The following GTSF1 variants were observed in gnomAD, a reference collection of about 807,000 sequenced individuals.
The protein encoded by GTSF1 is gametocyte specific factor 1.
In GTSF1, 11 loss-of-function variants were observed where a neutral mutation model predicts 28.9. That is an observed-to-expected ratio of 0.38 (90% confidence interval 0.24 to 0.63). The LOEUF (loss-of-function observed/expected upper bound fraction) is 0.63. GTSF1 is among the 30% of genes least tolerant of loss of function. GTSF1 has a pLI of 0.56. For synonymous variants in GTSF1, 69 were observed against 65.6 expected (o/e 1.05, Z -0.25); for missense variants, 146 against 201.0 (o/e 0.73, Z 1.66).
At chr12:54,472,108 C>A (rs938527779) in intron 1 of GTSF1, 1 of 151,366 alleles carries the variant, frequency 6.6e-6, no homozygotes, top group African/African-American at 2.4e-5. Context: ...TAAAGCTTTC[C>A]TCCTGGGTTC....
chr12:54,470,289 A>T (rs1956578672), intron 2 of GTSF1, among the ~76,000 whole-genome samples: 1 of 152,252 alleles, frequency 6.6e-6, no homozygotes, highest in Admixed American at 6.5e-5. Flanking sequence ...GCAAATTCTC[A>T]GATACCAGAC....
Position 54,462,874 on chromosome 12 carries a change from ATC to A in GTSF1, c.245-151_245-150del, listed in dbSNP as rs369613784. ...GTATAAAAGCTAAAAGAGGGATCTT[ATC>A]TCTTTGCTGACAGAAGAAAGAAAAG... On this transcript the variant is annotated intron_variant, in intron 4 of 8. Coordinates refer to ENST00000305879, the MANE Select transcript of GTSF1 (RefSeq NM_144594.3). 67 of 635,638 alleles carry A rather than the reference ATC, an allele frequency of 1.1e-4. No individual in the cohort carries two copies. In the East Asian group the frequency reaches 1.4e-3, roughly 13 times the overall value. 39.4% of individuals were successfully genotyped at this position (635,638 alleles called of 1,614,324 possible).
chr12:54,466,375 A>T (rs1956512544), intron 2 of GTSF1, among the ~76,000 whole-genome samples: 1 of 152,220 alleles, frequency 6.6e-6, no homozygotes, highest in Non-Finnish European at 1.5e-5. Flanking sequence ...GTTTCACTGG[A>T]AGAGTGGTAA....
chr12:54,472,821 A>AT (rs1396229925), intron 1 of GTSF1, among the ~76,000 whole-genome samples: 1 of 152,018 alleles, frequency 6.6e-6, no homozygotes, highest in African/African-American at 2.4e-5. Context: ...TCTTAAAAAT[A>AT]TTTTTCATAT....
At chr12:54,463,435 A>G (rs1231225647) in intron 3 of GTSF1, 138 bp from the exon 4 acceptor site, 1 of 689,596 alleles carries the variant, frequency 1.5e-6, no homozygotes, top group Non-Finnish European at 2.4e-6. Flanking sequence ...AAGTAAACTC[A>G]GAGTAAAAAA....
At chr12:54,473,046 G>C (rs925811518) in intron 1 of GTSF1, among the ~76,000 whole-genome samples, 2 of 152,026 alleles carry the variant, frequency 1.3e-5, no homozygotes, top group Non-Finnish European at 2.9e-5. Flanking sequence ...AGGGGCACTG[G>C]AATTCACAGT....
intron 7 of GTSF1, chr12:54,459,598 GGAC>G (rs1431274139): frequency 2.6e-6 from 1 of 384,550 alleles, no homozygotes; most frequent in African/African-American, 2.1e-5. Context: ...AGTCTGGGGA[GGAC>G]ATCTGAATAC....
chr12:54,470,084 A>G (rs1956576044), intron 2 of GTSF1, among the ~76,000 whole-genome samples: 1 of 151,844 alleles, frequency 6.6e-6, no homozygotes, highest in African/African-American at 2.4e-5. Context: ...CTGAGGCAGA[A>G]GAATTGCTTG....
At chr12:54,473,463 G>A (rs955876624) in intron 1 of GTSF1, 83 bp downstream of exon 1, 1 of 152,182 alleles carries the variant, frequency 6.6e-6, no homozygotes, top group Admixed American at 6.5e-5. Flanking sequence ...GCAGAAAAGC[G>A]AAATGAGGAT....
chr12:54,459,328 A>G, intron 7 of GTSF1: 1 of 1,442,488 alleles, frequency 6.9e-7, no homozygotes, highest in Non-Finnish European at 9.1e-7. Flanking sequence ...CTTTTGACAT[A>G]TAATTTGGTG....
At chr12:54,467,590 C>T (rs1956538939) in intron 2 of GTSF1, among the ~76,000 whole-genome samples, 1 of 152,102 alleles carries the variant, frequency 6.6e-6, no homozygotes, top group Admixed American at 6.5e-5. Flanking sequence ...GCTGGGATTA[C>T]AGGTGTGAGC....
At chr12:54,466,795 A>C (rs1318545043) in intron 2 of GTSF1, 1 of 148,894 alleles carries the variant, frequency 6.7e-6, no homozygotes, top group Admixed American at 6.9e-5. Context: ...TAGATTAAAA[A>C]AATTTTTTTG....
intron 8 of GTSF1, among the ~76,000 whole-genome samples, chr12:54,456,585 G>A (rs1253396799): frequency 6.6e-6 from 1 of 152,072 alleles, no homozygotes; most frequent in Non-Finnish European, 1.5e-5. Context: ...TGCTTCTGAG[G>A]TACTTATCTA....
intron 3 of GTSF1, among the ~76,000 whole-genome samples, chr12:54,463,936 T>C (rs1956466838): frequency 6.6e-6 from 1 of 152,170 alleles, no homozygotes. Flanking sequence ...CTGACCAAGT[T>C]CCTTATTTTA....
chr12:54,462,657 C>T lies in GTSF1; in HGVS notation c.313G>A (p.Glu105Lys), dbSNP rs926675068. 1 of 1,613,718 alleles carries T rather than the reference C, an allele frequency of 6.2e-7. No individual in the cohort carries two copies. The highest frequency in any genetic ancestry group is 2.2e-5 in the East Asian group (1 of 44,884). Reference sequence around the variant, plus strand: ...GGCAGCTCACCTTTATCCCAGTCTTCATCGCAAGGAGGGCACTGCCAAGTG... The same window carrying T: ...GGCAGCTCACCTTTATCCCAGTCTTTATCGCAAGGAGGGCACTGCCAAGTG... ...ESTWQCPPCDEDWDKDLWEQT... is the reference protein window; with the variant it reads ...ESTWQCPPCDKDWDKDLWEQT... Residue 105 changes from glutamate to lysine, a missense_variant, in exon 5 of 9, where the codon GAA becomes AAA. Coordinates refer to ENST00000305879, the MANE Select transcript of GTSF1 (RefSeq NM_144594.3).
At chr12:54,464,080 T>G (rs7304697) in intron 3 of GTSF1, among the ~76,000 whole-genome samples, 16,053 of 152,152 alleles carry the variant, frequency 0.11, 1,020 homozygotes, top group African/African-American at 0.17. Context: ...TAGGGAGAAG[T>G]CTGGAAAAAT....
chr12:54,459,648 A>C (rs1956389418), intron 7 of GTSF1: 1 of 231,160 alleles, frequency 4.3e-6, no homozygotes, highest in African/African-American at 2.4e-5. Flanking sequence ...TATGACTTTC[A>C]TTTTCTCTCT....
In GTSF1 at chr12:54,469,492, A is replaced by G. The variant is rs535432099; in HGVS notation, c.16+1741T>C. ...CACTTGAGGCCAGGAGTTCGAGACC[A>G]GCCTGGCCAACATGGCGAAACCCCA... is the stretch of plus-strand genomic sequence containing the variant. On this transcript the variant is annotated intron_variant, in intron 2 of 8. Transcript: ENST00000305879. Among the ~76,000 whole-genome samples, 5 of 151,754 alleles carry G rather than the reference A, an allele frequency of 3.3e-5. No individual in the cohort carries two copies. The South Asian group carries it at 1.0e-3, about 32-fold the overall frequency.
intron 8 of GTSF1, among the ~76,000 whole-genome samples, chr12:54,457,636 G>A (rs561353028): frequency 7.2e-5 from 11 of 152,244 alleles, no homozygotes; most frequent in African/African-American, 2.6e-4. Flanking sequence ...CTAGAGTACA[G>A]TGGCTATTCA....
Sources: gnomAD v4.1 joint callset for allele counts (sites outside exome capture counted in the v4.1 genomes callset) on GRCh38, gnomAD v4.1.1 for gene constraint, MANE v1.5 for transcripts, NCBI Gene and HGNC (gene_info 2026-07-23, HGNC 2026-07-21) for gene names.